BARD1: variants seen among roughly 807,000 people sequenced by gnomAD.
The protein encoded by BARD1 is BRCA1 associated RING domain 1.
A neutral mutation model predicts 77.0 loss-of-function variants in BARD1; 73 were observed. The ratio of observed to expected loss-of-function variants is 0.95; its 90% CI spans 0.79 to 1.15. The LOEUF is 1.15. BARD1 is among the 50% of genes most tolerant of loss of function. BARD1 has a pLI of 0.00. For missense variants in BARD1, 993 were observed against 938.8 expected, an observed-to-expected ratio of 1.06 and a Z score of -0.75; for synonymous variants, 384 against 338.0, an observed-to-expected ratio of 1.14 and a Z score of -1.49.
At chr2:214,747,743 T>C (rs1489786151) in intron 7 of BARD1, among the ~76,000 whole-genome samples, 1 of 145,648 alleles carries the variant, frequency 6.9e-6, no homozygotes, top group Admixed American at 6.8e-5. Flanking sequence ...CATTAGGAGA[T>C]ATACCTAATG....
At chr2:214,762,763 C>T (rs1013165470) in intron 6 of BARD1, among the ~76,000 whole-genome samples, 2 of 152,188 alleles carry the variant, frequency 1.3e-5, no homozygotes. Flanking sequence ...CGGTACTCCA[C>T]TAGAATCTAT....
At chr2:214,790,723 C>A (rs1178417837) in intron 3 of BARD1, among the ~76,000 whole-genome samples, 1 of 152,142 alleles carries the variant, frequency 6.6e-6, no homozygotes, top group East Asian at 1.9e-4. Context: ...AAGTAGCACT[C>A]CAAATTTCAG....
At chr2:214,797,943 T>C (rs1297759574) in intron 1 of BARD1, among the ~76,000 whole-genome samples, 1 of 152,102 alleles carries the variant, frequency 6.6e-6, no homozygotes, top group Non-Finnish European at 1.5e-5. Context: ...GTAATGATAC[T>C]AATAAATACA....
chr2:214,735,956 T>C (rs1692548684), intron 9 of BARD1, among the ~76,000 whole-genome samples: 1 of 152,128 alleles, frequency 6.6e-6, no homozygotes, highest in Non-Finnish European at 1.5e-5. Flanking sequence ...GTTAGTTTTA[T>C]CTGTGTTTTA....
chr2:214,726,024 T>C lies in BARD1; in HGVS notation c.*2652A>G. The C allele has an allele frequency of 4.8e-6, 1 of 210,432 alleles. No individual in the cohort carries two copies. Among genetic ancestry groups the C allele is most frequent in the Non-Finnish European group, 9.4e-6 (1 of 106,486 alleles). The allele number at this position is 210,432 out of a possible 1,614,324, so 13.0% of individuals were successfully genotyped here. ...GCAGAGGTCACTTAACTATTAAATT[T>C]ACAAGGCAGGTGCAAAAAAAAAAAA... is the stretch of plus-strand genomic sequence containing the variant. On this transcript the variant is annotated 3_prime_UTR_variant, in exon 11 of 11. Transcript: ENST00000260947.
chr2:214,763,744 C>T (rs977101519), intron 6 of BARD1, among the ~76,000 whole-genome samples: 2 of 152,108 alleles, frequency 1.3e-5, no homozygotes, highest in African/African-American at 4.8e-5. Context: ...TGTTTGCCAA[C>T]TCAGATTCCA....
chr2:214,743,907 G>A (rs771212287), intron 9 of BARD1, among the ~76,000 whole-genome samples: 2 of 152,066 alleles, frequency 1.3e-5, no homozygotes, highest in South Asian at 2.1e-4. Flanking sequence ...TTTATCTCAG[G>A]TAGTCTTGTG....
chr2:214,808,947 G>T (rs1036265927), intron 1 of BARD1, among the ~76,000 whole-genome samples: 1 of 152,208 alleles, frequency 6.6e-6, no homozygotes, highest in African/African-American at 2.4e-5. Context: ...TGTCAAAAAG[G>T]CCAGTTTAAC....
chr2:214,747,732 G>T, intron 7 of BARD1, among the ~76,000 whole-genome samples: 1 of 146,250 alleles, frequency 6.8e-6, no homozygotes, highest in Admixed American at 6.8e-5. Context: ...GGGAGGGATA[G>T]CATTAGGAGA....
chr2:214,789,320 A>C (rs1248460343), intron 3 of BARD1, among the ~76,000 whole-genome samples: 1 of 151,906 alleles, frequency 6.6e-6, no homozygotes, highest in African/African-American at 2.4e-5. Context: ...CATTTAAGCC[A>C]GGAGTTCAGG....
chr2:214,730,877 C>T (rs199744473), intron 9 of BARD1: 3 of 459,214 alleles, frequency 6.5e-6, no homozygotes, highest in Middle Eastern at 3.3e-4. Flanking sequence ...ATAAAAAGTC[C>T]ATGACACAAT....
rs751357679 is a variant in BARD1 at position 214,781,281 on chromosome 2, G to A, written c.593C>T (p.Ala198Val). ...TTGCTTTTTTCCAGATCTTGCAGAAGCCTTTTTAGCCCTCTCAGAAACATC... is the reference window on the plus strand; with the variant it reads ...TTGCTTTTTTCCAGATCTTGCAGAAACCTTTTTAGCCCTCTCAGAAACATC... ...PADVSERAKK[A>V]SARSGKKQKK... The change falls in exon 4 of 11, where the codon GCT becomes GTT. Residue 198 changes from alanine (A) to valine (V), a missense_variant. Ala to Val is a moderately conservative substitution (Grantham distance 64, BLOSUM62 0). Coordinates refer to ENST00000260947, the MANE Select transcript of BARD1 (RefSeq NM_000465.4). 6 of 1,599,956 alleles carry A rather than the reference G, an allele frequency of 3.8e-6. No individual in the cohort carries two copies. Among genetic ancestry groups the A allele is most frequent in the East Asian group, 2.2e-5 (1 of 44,816 alleles).
At chr2:214,768,464 G>C (rs1265021418) in intron 5 of BARD1, among the ~76,000 whole-genome samples, 2 of 152,100 alleles carry the variant, frequency 1.3e-5, no homozygotes, top group African/African-American at 4.8e-5. Context: ...ACCTTTCTTT[G>C]AAAAGGTTAG....
At chr2:214,790,626 G>C (rs1479996736) in intron 3 of BARD1, among the ~76,000 whole-genome samples, 1 of 152,114 alleles carries the variant, frequency 6.6e-6, no homozygotes, top group Admixed American at 6.5e-5. Flanking sequence ...GTGATACTTT[G>C]TTACAGCAGT....
At chr2:214,732,165 C>G (rs1692383115) in intron 9 of BARD1, among the ~76,000 whole-genome samples, 1 of 152,096 alleles carries the variant, frequency 6.6e-6, no homozygotes, top group Non-Finnish European at 1.5e-5. Flanking sequence ...AAAGTTTTGT[C>G]CAGCTGATCC....
intron 7 of BARD1, 78 bp downstream of exon 7, chr2:214,752,369 G>T (rs1693494247): frequency 2.4e-6 from 3 of 1,270,718 alleles, no homozygotes; most frequent in African/African-American, 3.0e-5. Context: ...TGGTCAAATG[G>T]AAATTTTTCT....
At chr2:214,744,149 C>T (rs1692984662) in intron 9 of BARD1, among the ~76,000 whole-genome samples, 1 of 152,132 alleles carries the variant, frequency 6.6e-6, no homozygotes, top group East Asian at 1.9e-4. Flanking sequence ...CCAAGAGAAT[C>T]CAAGTAGAAA....
chr2:214,753,165 A>AT (rs1355964704), intron 6 of BARD1, among the ~76,000 whole-genome samples: 23 of 152,136 alleles, frequency 1.5e-4, no homozygotes, highest in African/African-American at 5.1e-4. Context: ...GCTGGAAGAG[A>AT]TTTTAGAGAT....
chr2:214,731,982 C>T (rs1322711626), intron 9 of BARD1, among the ~76,000 whole-genome samples: 1 of 152,196 alleles, frequency 6.6e-6, no homozygotes, highest in Non-Finnish European at 1.5e-5. Context: ...TTCAGAGTTA[C>T]ACATAGTTTT....
Sources: gnomAD v4.1 joint callset for allele counts (sites outside exome capture counted in the v4.1 genomes callset) on GRCh38, gnomAD v4.1.1 for gene constraint, MANE v1.5 for transcripts, NCBI Gene and HGNC (gene_info 2026-07-23, HGNC 2026-07-21) for gene names.